Variants in LARP4B observed in about 807,000 individuals in gnomAD.
The protein encoded by LARP4B is la-related protein 4B.
In LARP4B, 12 loss-of-function variants were observed where a neutral mutation model predicts 89.8. The observed-to-expected ratio is 0.13, with a 90% CI of 0.09 to 0.22. The LOEUF (loss-of-function observed/expected upper bound fraction) is 0.22, where lower values mean the gene tolerates loss of function less well. LARP4B is among the 10% of genes least tolerant of loss of function. The probability of loss-of-function intolerance (pLI) is 1.00; values close to 1 mark genes in which losing one functional copy is unlikely to be tolerated. For missense variants in LARP4B, 757 were observed against 947.7 expected (o/e 0.80, Z 2.64); for synonymous variants, 367 against 363.3 (o/e 1.01, Z -0.12).
At chr10:912,631 G>A (rs1345731847) in intron 1 of LARP4B, among the ~76,000 whole-genome samples, 1 of 151,480 alleles carries the variant, frequency 6.6e-6, no homozygotes, top group Non-Finnish European at 1.5e-5. Context: ...CAGCACTTTG[G>A]GAGGCTGAGG....
intron 7 of LARP4B, among the ~76,000 whole-genome samples, chr10:837,129 G>A (rs957884263): frequency 3.3e-5 from 5 of 152,130 alleles, no homozygotes; most frequent in Admixed American, 2.6e-4. Context: ...GATAACAACG[G>A]AATATTATGA....
At chr10:946,398 A>G in the LARP4B span, among the ~76,000 whole-genome samples, 32 of 152,318 alleles carry the variant, frequency 2.1e-4, no homozygotes, top group East Asian at 2.9e-3. Context: ...AGATTCTTAA[A>G]TTGTCTGATT....
downstream of LARP4B, chr10:808,376 T>C (rs1020498740): frequency 6.6e-6 from 1 of 152,234 alleles, no homozygotes; most frequent in African/African-American, 2.4e-5. Flanking sequence ...AGGCTGGTGA[T>C]CCAGATGGCA....
At chr10:915,827 C>A (rs1334156183) in intron 1 of LARP4B, among the ~76,000 whole-genome samples, 2 of 138,134 alleles carry the variant, frequency 1.4e-5, no homozygotes, top group Admixed American at 1.5e-4. Context: ...AGCGAGACTC[C>A]GCCTCAAAAA....
chr10:936,719 C>T (rs749255242), upstream of LARP4B, among the ~76,000 whole-genome samples: 1 of 152,002 alleles, frequency 6.6e-6, no homozygotes, highest in Non-Finnish European at 1.5e-5. Flanking sequence ...TGAAACTGTC[C>T]GCCCCCCAAA....
Position 831,985 on chromosome 10 carries a change from A to C in LARP4B, c.751-1008T>G, listed in dbSNP as rs894646532. 2.6e-5 allele frequency among the ~76,000 whole-genome samples: 4 copies of C among 152,334 alleles called. No individual in the cohort carries two copies. In the East Asian group the frequency reaches 5.8e-4, roughly 22 times the overall value. ...CTGCATATATATTCCATATCCCATAAAAGGTAAAGACTGAGCATATTAAAT... is the reference window on the plus strand; with the variant it reads ...CTGCATATATATTCCATATCCCATACAAGGTAAAGACTGAGCATATTAAAT... On this transcript the variant is annotated intron_variant, in intron 8 of 17. Coordinates refer to ENST00000316157, the MANE Select transcript of LARP4B (RefSeq NM_015155.3).
intron 15 of LARP4B, among the ~76,000 whole-genome samples, chr10:816,575 G>A (rs1210462224): frequency 6.6e-6 from 1 of 152,218 alleles, no homozygotes; most frequent in African/African-American, 2.4e-5. Flanking sequence ...TTCTGAAGCA[G>A]GGTTGGAGAC....
intron 5 of LARP4B, among the ~76,000 whole-genome samples, chr10:850,538 CCTTT>C (rs1329249494): frequency 6.6e-6 from 1 of 152,132 alleles, no homozygotes; most frequent in Non-Finnish European, 1.5e-5. Flanking sequence ...ATTAACAGAA[CCTTT>C]CTTTCAATAG....
At chr10:844,477 C>T (rs766143499) in intron 6 of LARP4B, among the ~76,000 whole-genome samples, 22 of 152,190 alleles carry the variant, frequency 1.4e-4, no homozygotes, top group Non-Finnish European at 3.1e-4. Context: ...TTATACACGG[C>T]CCATCGGTTG....
the LARP4B span, among the ~76,000 whole-genome samples, chr10:981,308 C>T: frequency 6.6e-6 from 1 of 152,208 alleles, no homozygotes; most frequent in Admixed American, 6.5e-5. Context: ...CCTCTGAGCC[C>T]TCCAAAGTCT....
intron 1 of LARP4B, among the ~76,000 whole-genome samples, chr10:892,902 ATT>A (rs56051964): frequency 0.035 from 4,156 of 117,930 alleles, 186 homozygotes; most frequent in African/African-American, 0.097. Context: ...ACCAAGAGAA[ATT>A]TTTTTTTTTT....
chr10:928,917 C>T (rs1232587411), intron 1 of LARP4B, among the ~76,000 whole-genome samples: 1 of 152,136 alleles, frequency 6.6e-6, no homozygotes, highest in East Asian at 1.9e-4. Flanking sequence ...GTGAAGACTG[C>T]TTCATAAAAA....
chr10:966,942 C>G, the LARP4B span, among the ~76,000 whole-genome samples: 1 of 152,246 alleles, frequency 6.6e-6, no homozygotes, highest in African/African-American at 2.4e-5. Flanking sequence ...CCACTTGGCT[C>G]TCAGAACACT....
chr10:848,340 T>C (rs976357506), intron 5 of LARP4B, among the ~76,000 whole-genome samples: 2 of 151,696 alleles, frequency 1.3e-5, no homozygotes, highest in Non-Finnish European at 2.9e-5. Flanking sequence ...TTTAAAGAAA[T>C]ACAAAAATAC....
chr10:984,053 G>A, the LARP4B span, among the ~76,000 whole-genome samples: 2 of 152,292 alleles, frequency 1.3e-5, no homozygotes, highest in Non-Finnish European at 2.9e-5. Context: ...AAGCATTATG[G>A]TTTCCTTGTG....
At chr10:829,006 A>C (rs537946017) in intron 11 of LARP4B, among the ~76,000 whole-genome samples, 8 of 152,348 alleles carry the variant, frequency 5.3e-5, no homozygotes, top group African/African-American at 1.9e-4. Context: ...AAGGCTGGTA[A>C]AACAGCAGGC....
chr10:888,215 G>C (rs772878567), intron 1 of LARP4B, among the ~76,000 whole-genome samples: 2 of 152,100 alleles, frequency 1.3e-5, no homozygotes, highest in Non-Finnish European at 1.5e-5. Context: ...AGCTATTCAG[G>C]AGGCTGAGAC....
chr10:982,805 G>C, the LARP4B span, among the ~76,000 whole-genome samples: 5 of 152,234 alleles, frequency 3.3e-5, no homozygotes, highest in African/African-American at 1.2e-4. Context: ...TGGAAAGTGA[G>C]CTATGAAGAT....
chr10:879,019 A>G (rs1440819331), intron 3 of LARP4B, among the ~76,000 whole-genome samples: 2 of 152,256 alleles, frequency 1.3e-5, no homozygotes, highest in Admixed American at 6.5e-5. Context: ...ACACTTCCAC[A>G]ACAAGAGAAG....
Sources: allele counts gnomAD v4.1 joint callset (sites outside exome capture counted in the v4.1 genomes callset), GRCh38; gene constraint gnomAD v4.1.1; transcripts MANE v1.5; gene names NCBI Gene and HGNC (gene_info 2026-07-23, HGNC 2026-07-21).